The following MAST4 variants were observed in gnomAD, a reference collection of about 807,000 sequenced individuals.
MAST4 encodes microtubule associated serine/threonine kinase family member 4.
Under a neutral mutation model 162.7 loss-of-function variants are expected in MAST4, and 89 were observed. The ratio of observed to expected loss-of-function variants is 0.55; its 90% CI spans 0.46 to 0.65. The LOEUF is 0.65. Among genes scored for constraint, MAST4 ranks in the 30% least tolerant of loss-of-function variants. The pLI, the probability that MAST4 is intolerant of heterozygous loss-of-function variation, is 0.00. For synonymous variants in MAST4, 1,479 were observed against 1,361.1 expected, an observed-to-expected ratio of 1.09 and a Z score of -1.91; for missense variants, 3,153 against 3,374.0, an observed-to-expected ratio of 0.93 and a Z score of 1.62.
At chr5:67,038,206 A>G (rs1243054820) in intron 4 of MAST4, among the ~76,000 whole-genome samples, 1 of 149,236 alleles carries the variant, frequency 6.7e-6, no homozygotes, top group Non-Finnish European at 1.5e-5. Context: ...ATGATTTTAT[A>G]TGCTGCTTTA....
At chr5:66,831,277 T>C in intron 3 of MAST4, among the ~76,000 whole-genome samples, 1 of 152,288 alleles carries the variant, frequency 6.6e-6, no homozygotes, top group East Asian at 1.9e-4. Context: ...TAGTAAACAT[T>C]TATTTACAGG....
At chr5:67,144,839 G>A (rs1770868700) in intron 22 of MAST4, 43 bp downstream of exon 22, 1 of 1,552,464 alleles carries the variant, frequency 6.4e-7, no homozygotes, top group Non-Finnish European at 8.7e-7. Context: ...GTAGCTACTA[G>A]AGCAGAGTTT....
chr5:66,624,657 A>G (rs566504532), intron 1 of MAST4, among the ~76,000 whole-genome samples: 2 of 152,220 alleles, frequency 1.3e-5, no homozygotes, highest in South Asian at 2.1e-4. Flanking sequence ...TTACAACGCT[A>G]TAGTAATCAC....
intron 1 of MAST4, among the ~76,000 whole-genome samples, chr5:66,618,448 T>C (rs1382774242): frequency 6.6e-6 from 1 of 152,216 alleles, no homozygotes. Flanking sequence ...TTGGTTCTAC[T>C]TGCATTGTTC....
intron 1 of MAST4, among the ~76,000 whole-genome samples, chr5:66,625,212 T>C (rs1369839450): frequency 6.6e-6 from 1 of 152,148 alleles, no homozygotes; most frequent in Non-Finnish European, 1.5e-5. Context: ...ATATTGCATA[T>C]GGGATTCAGG....
chr5:66,896,615 C>A (rs999036486), intron 3 of MAST4, among the ~76,000 whole-genome samples: 2 of 152,200 alleles, frequency 1.3e-5, no homozygotes, highest in Non-Finnish European at 2.9e-5. Flanking sequence ...TCTCTAAACA[C>A]GTGCGGCATG....
rs1215380851 is a variant in MAST4 at position 67,166,050 on chromosome 5, G to A, written c.6871G>A (p.Gly2291Ser). ...PLDAKPQPTS[G>S]GRPLEVLEKP... ...AGACGCCAAGCCACAACCCACCAGTGGTGGGCGGCCCCTGGAGGTGCTGGA... is the reference window on the plus strand; with the variant it reads ...AGACGCCAAGCCACAACCCACCAGTAGTGGGCGGCCCCTGGAGGTGCTGGA... Residue 2291 changes from glycine (G) to serine (S), a missense_variant, in exon 29 of 29, where the codon GGT becomes AGT. This residue lies in a region of MAST4 where 1,644 missense variants were observed against 1,495.0 expected (regional missense o/e 1.10). Coordinates refer to ENST00000403625, the MANE Select transcript of MAST4 (RefSeq NM_001164664.2). 1.2e-6 allele frequency: 2 copies of A among 1,613,816 alleles called. No homozygotes were observed. Among genetic ancestry groups the A allele is most frequent in the East Asian group, 4.5e-5 (2 of 44,872 alleles).
At chr5:66,967,579 G>A (rs1176649433) in intron 4 of MAST4, among the ~76,000 whole-genome samples, 1 of 151,738 alleles carries the variant, frequency 6.6e-6, no homozygotes, top group Non-Finnish European at 1.5e-5. Flanking sequence ...AGGAAGGCCA[G>A]GCACCCAGTG....
At chr5:66,879,717 C>T (rs536489947) in intron 3 of MAST4, among the ~76,000 whole-genome samples, 53 of 152,250 alleles carry the variant, frequency 3.5e-4, no homozygotes, top group South Asian at 2.3e-3. Context: ...TTCGCGATGA[C>T]GCCCAGGCTG....
intron 4 of MAST4, among the ~76,000 whole-genome samples, chr5:66,925,055 G>A (rs1206844494): frequency 6.6e-6 from 1 of 152,158 alleles, no homozygotes; most frequent in African/African-American, 2.4e-5. Context: ...TAACCATGTA[G>A]GATAGTTGGC....
intron 1 of MAST4, among the ~76,000 whole-genome samples, chr5:66,732,863 TTTC>T (rs1422443651): frequency 1.3e-5 from 2 of 152,370 alleles, no homozygotes; most frequent in East Asian, 3.9e-4. Context: ...TTCCTTTAGC[TTTC>T]TTCTTAGTAT....
At chr5:66,692,819 G>A (rs1749136127) in intron 1 of MAST4, among the ~76,000 whole-genome samples, 1 of 152,062 alleles carries the variant, frequency 6.6e-6, no homozygotes, top group South Asian at 2.1e-4. Context: ...CATACTCAAA[G>A]TATATATATA....
At chr5:66,924,636 G>C (rs529156519) in intron 4 of MAST4, among the ~76,000 whole-genome samples, 1 of 152,168 alleles carries the variant, frequency 6.6e-6, no homozygotes, top group African/African-American at 2.4e-5. Flanking sequence ...CTCGTGATCC[G>C]CCTACCTCTG....
At chr5:66,681,332 A>G (rs1748316317) in intron 1 of MAST4, among the ~76,000 whole-genome samples, 1 of 152,174 alleles carries the variant, frequency 6.6e-6, no homozygotes, top group South Asian at 2.1e-4. Context: ...ATCTCCCAGT[A>G]CTACTACTAG....
At chr5:67,072,130 T>G (rs1761070905) in intron 5 of MAST4, among the ~76,000 whole-genome samples, 1 of 152,204 alleles carries the variant, frequency 6.6e-6, no homozygotes, top group Non-Finnish European at 1.5e-5. Context: ...TTTATGTTAC[T>G]GAAGAAAGAA....
intron 5 of MAST4, among the ~76,000 whole-genome samples, chr5:67,085,617 A>G (rs1351688034): frequency 6.6e-6 from 1 of 152,178 alleles, no homozygotes; most frequent in African/African-American, 2.4e-5. Context: ...TTTACTTGAA[A>G]CTTAAGCATA....
chr5:67,165,203 C>A lies in MAST4; in HGVS notation c.6024C>A (p.Thr2008=), dbSNP rs79493238. 1,085 of 1,610,390 alleles carry A rather than the reference C, an allele frequency of 6.7e-4. 4 individuals carry two copies. In the African/African-American group the frequency reaches 0.013, roughly 19 times the overall value. Residue 2008 remains threonine, a synonymous_variant, in exon 29 of 29, where the codon ACC becomes ACA. Transcript: ENST00000403625. ...MELCFPETAK[T]SDNSKNLLSV... ...TGTGCTTTCCAGAAACTGCGAAAAC[C>A]AGTGACAACTCCAAAAATCTCCTCT...
At chr5:66,754,673 A>G (rs1002365933) in intron 1 of MAST4, among the ~76,000 whole-genome samples, 4 of 152,222 alleles carry the variant, frequency 2.6e-5, no homozygotes, top group Admixed American at 6.5e-5. Flanking sequence ...ACAAAACAAT[A>G]TAGTGCATAA....
At chr5:66,760,077 CTATTTATT>C (rs1554049949) in intron 2 of MAST4, among the ~76,000 whole-genome samples, 1,700 of 147,172 alleles carry the variant, frequency 0.012, 26 homozygotes, top group African/African-American at 0.039. Context: ...ACAATATCCC[CTATTTATT>C]TATTTATTTA....
Sources: gnomAD v4.1 joint callset for allele counts (sites outside exome capture counted in the v4.1 genomes callset) on GRCh38, gnomAD v4.1.1 for gene constraint, gnomAD v4.1.1 regional missense constraint, MANE v1.5 for transcripts, NCBI Gene and HGNC (gene_info 2026-07-23, HGNC 2026-07-21) for gene names.